Variants in CACNA1C observed in about 807,000 individuals in gnomAD.
CACNA1C encodes calcium voltage-gated channel subunit alpha1 C, also known as voltage-dependent L-type calcium channel subunit alpha-1C.
CACNA1C carries 30 observed loss-of-function variants against 229.0 expected under a neutral mutation model. The ratio of observed to expected loss-of-function variants is 0.13; its 90% CI spans 0.10 to 0.18. The LOEUF (loss-of-function observed/expected upper bound fraction) is 0.18. Ranked by LOEUF, CACNA1C falls within the 10% of genes least tolerant of loss-of-function variation. CACNA1C has a pLI of 1.00. For missense variants in CACNA1C, 1,658 were observed against 2,845.0 expected (o/e 0.58, Z 9.49); for synonymous variants, 1,114 against 1,132.5 (o/e 0.98, Z 0.33).
Position 2,477,571 on chromosome 12 carries a change from C to G in CACNA1C, c.758-8533C>G, listed in dbSNP as rs559339871. Among the ~76,000 whole-genome samples the G allele has an allele frequency of 1.1e-4, 17 of 152,292 alleles. No individual in the cohort carries two copies. The South Asian group carries it at 3.5e-3, about 32-fold the overall frequency. ...CGACCAGATGGCCTCCATCAACAGG[C>G]TGCCTCATCTCCAGTCTGTAGTTGG... On this transcript the variant is annotated intron_variant, in intron 5 of 46. Coordinates refer to ENST00000399655, the MANE Select transcript of CACNA1C (RefSeq NM_000719.7).
intron 3 of CACNA1C, among the ~76,000 whole-genome samples, chr12:2,205,443 C>A (rs918971881): frequency 2.0e-5 from 3 of 152,216 alleles, no homozygotes; most frequent in Non-Finnish European, 4.4e-5. Flanking sequence ...CTGCTTTAGA[C>A]TCCTATTCTA....
At chr12:2,528,685 C>T (rs542570922) in intron 9 of CACNA1C, among the ~76,000 whole-genome samples, 5 of 152,308 alleles carry the variant, frequency 3.3e-5, no homozygotes, top group Admixed American at 6.5e-5. Context: ...AAGAGCAGGT[C>T]TCAGATCCAC....
intron 3 of CACNA1C, among the ~76,000 whole-genome samples, chr12:2,127,265 C>T (rs577704533): frequency 3.4e-4 from 52 of 152,284 alleles, no homozygotes; most frequent in African/African-American, 1.2e-3. Flanking sequence ...TTCTGAGATG[C>T]GTCTGAGCCC....
At chr12:2,163,826 A>G (rs1597792555) in intron 3 of CACNA1C, among the ~76,000 whole-genome samples, 1 of 152,292 alleles carries the variant, frequency 6.6e-6, no homozygotes, top group East Asian at 1.9e-4. Context: ...AGCAAGGGCT[A>G]TTTGTGGCTG....
In CACNA1C at chr12:2,691,219, G is replaced by A. The variant is rs746976230; in HGVS notation, c.*20G>A. 1 of 1,519,354 alleles carries A rather than the reference G, an allele frequency of 6.6e-7. No individual in the cohort carries two copies. The allele number at this position is 1,519,354 out of a possible 1,614,324, so 94.1% of individuals were successfully genotyped here. A position where few individuals can be genotyped will look rare whatever the true frequency, so the allele number is the denominator to read the frequency against. On this transcript the variant is annotated 3_prime_UTR_variant, in exon 47 of 47. Transcript: ENST00000399655. ...CTGTAGTGGGCGCTGCCAGATGCGG[G>A]CTTTTTTTTATTTGTTTCAATGTTC...
rs143548401 is a variant in CACNA1C at position 2,404,000 on chromosome 12, C to T, written c.478-44976C>T. 2.0e-5 allele frequency among the ~76,000 whole-genome samples: 3 copies of T among 152,340 alleles called. No homozygotes were observed. The highest frequency in any genetic ancestry group is 4.8e-5 in the African/African-American group (2 of 41,570). On this transcript the variant is annotated intron_variant, in intron 3 of 46. Coordinates refer to ENST00000399655, the MANE Select transcript of CACNA1C (RefSeq NM_000719.7). This position sits in a 1 kb window ranked among gnomAD's most constrained non-coding sequence, Gnocchi z 4.1. Reference sequence around the variant, plus strand: ...GTGTACCAGGGCACACTGTGGGCTCCGTCCAGCCAGGCAGGGCCTGGACTC... The same window carrying T: ...GTGTACCAGGGCACACTGTGGGCTCTGTCCAGCCAGGCAGGGCCTGGACTC...
chr12:2,523,003 C>T (rs866859957), intron 9 of CACNA1C, among the ~76,000 whole-genome samples: 17 of 152,256 alleles, frequency 1.1e-4, no homozygotes, highest in Middle Eastern at 3.4e-3. Context: ...TCTCTTCCAA[C>T]CAGGGGAACC....
intron 3 of CACNA1C, among the ~76,000 whole-genome samples, chr12:2,370,154 A>G (rs1594397995): frequency 6.6e-6 from 1 of 152,338 alleles, no homozygotes; most frequent in South Asian, 2.1e-4. Context: ...AGAAACATAA[A>G]TTAAAAGAAG....
At chr12:2,537,196 C>T (rs2099857839) in intron 9 of CACNA1C, among the ~76,000 whole-genome samples, 1 of 152,228 alleles carries the variant, frequency 6.6e-6, no homozygotes, top group Admixed American at 6.5e-5. Flanking sequence ...CCTTGCTCTC[C>T]CATGACAGAT....
At chr12:2,530,442 C>T (rs1272820110) in intron 9 of CACNA1C, among the ~76,000 whole-genome samples, 1 of 152,228 alleles carries the variant, frequency 6.6e-6, no homozygotes, top group Non-Finnish European at 1.5e-5. Flanking sequence ...AGTAAAAACT[C>T]TTTCCAGTTA....
chr12:2,688,387 G>A (rs541080869), intron 45 of CACNA1C, 60 bp from the exon 46 acceptor site: 3 of 1,507,196 alleles, frequency 2.0e-6, no homozygotes, highest in South Asian at 1.1e-5. Flanking sequence ...TCAGAAGCAG[G>A]GGCCTGCCTT....
At position 2,082,502 on chromosome 12, in the gene CACNA1C, C is replaced by T. The variant is rs142653085; in HGVS notation, c.49+28891C>T. Among the ~76,000 whole-genome samples the T allele has an allele frequency of 1.7e-4, 26 of 152,306 alleles. No homozygotes were observed. In the East Asian group the frequency reaches 2.9e-3, roughly 17 times the overall value. On this transcript the variant is annotated intron_variant, in intron 1 of 46. Transcript: ENST00000399655. ...TATGTGGCAGTCAGACAACACCCCC[C>T]GCATGGTGTTGCTAGGAAATGCAGG...
rs74457825 is a variant in CACNA1C at position 2,064,547 on chromosome 12, C to T, written c.49+10936C>T. ...AGCTGCCTTCAGAGGGGAAAAGCAG[C>T]TTCCCAGGGCTCTCACCTGCTCCTC... On this transcript the variant is annotated intron_variant, in intron 1 of 46. Transcript: ENST00000399655. 4.9e-3 allele frequency among the ~76,000 whole-genome samples: 752 copies of T among 152,300 alleles called. 4 individuals carry two copies. Among genetic ancestry groups the T allele is most frequent in the Middle Eastern group, 0.024 (7 of 294 alleles).
At chr12:2,680,116 A>G (rs2097057784) in intron 42 of CACNA1C, among the ~76,000 whole-genome samples, 1 of 152,180 alleles carries the variant, frequency 6.6e-6, no homozygotes, top group African/African-American at 2.4e-5. Context: ...AACAGAAACC[A>G]TCCCGTCTGC....
At chr12:2,308,761 A>G (rs2095249513) in intron 3 of CACNA1C, among the ~76,000 whole-genome samples, 1 of 152,210 alleles carries the variant, frequency 6.6e-6, no homozygotes. Flanking sequence ...AAGGTACTCA[A>G]CCTTACTGAT....
intron 3 of CACNA1C, among the ~76,000 whole-genome samples, chr12:2,122,376 C>T (rs1046350103): frequency 5.9e-5 from 9 of 152,166 alleles, no homozygotes; most frequent in East Asian, 1.9e-4. Flanking sequence ...TCCACAATGT[C>T]GCACTTCCCC....
At chr12:2,436,309 G>A (rs2099134194) in intron 3 of CACNA1C, among the ~76,000 whole-genome samples, 1 of 152,192 alleles carries the variant, frequency 6.6e-6, no homozygotes, top group African/African-American at 2.4e-5. Flanking sequence ...CACTAGGCGG[G>A]GAAATATTGG....
intron 5 of CACNA1C, among the ~76,000 whole-genome samples, chr12:2,458,232 C>G (rs574945641): frequency 2.0e-5 from 3 of 152,258 alleles, no homozygotes; most frequent in Non-Finnish European, 4.4e-5. Flanking sequence ...GGAAATACCA[C>G]GCCTGTCATT....
rs372728453 is a variant in CACNA1C, at chr12:2,634,394, G to T, written c.3912+14G>T. 6.7e-7 allele frequency: 1 copy of T among 1,492,730 alleles called. No homozygotes were observed. Among genetic ancestry groups the T allele is most frequent in the East Asian group, 2.4e-5 (1 of 42,424 alleles). The allele number at this position is 1,492,730 out of a possible 1,614,324, so 92.5% of individuals were successfully genotyped here. ...ACCGAGGTAAACGTAAGTACATGGC[G>T]TCTGTCCCTAACCGTCCGTGCCTGC... On this transcript the variant is annotated intron_variant, in intron 30 of 46. Coordinates refer to ENST00000399655, the MANE Select transcript of CACNA1C (RefSeq NM_000719.7).
Sources: allele counts gnomAD v4.1 joint callset (sites outside exome capture counted in the v4.1 genomes callset), GRCh38; gene constraint gnomAD v4.1.1; non-coding constraint Gnocchi (gnomAD v3.1); transcripts MANE v1.5; gene names NCBI Gene and HGNC (gene_info 2026-07-23, HGNC 2026-07-21).